The following OSBPL3 variants were observed in gnomAD, a reference collection of about 807,000 sequenced individuals.
OSBPL3 encodes the protein oxysterol-binding protein-related protein 3.
A neutral mutation model predicts 120.1 loss-of-function variants in OSBPL3; 65 were observed. That is an observed-to-expected ratio of 0.54 (90% confidence interval 0.44 to 0.67). The LOEUF (loss-of-function observed/expected upper bound fraction) is 0.67, where lower values mean the gene tolerates loss of function less well. Among genes scored for constraint, OSBPL3 ranks in the 30% least tolerant of loss-of-function variants. The pLI is 0.00. For missense variants in OSBPL3, 1,004 were observed against 1,082.1 expected (o/e 0.93, Z 1.01); for synonymous variants, 416 against 402.6 (o/e 1.03, Z -0.40).
At chr7:24,979,478 T>C (rs1817968284) in intron 1 of OSBPL3, among the ~76,000 whole-genome samples, 1 of 151,996 alleles carries the variant, frequency 6.6e-6, no homozygotes, top group Non-Finnish European at 1.5e-5. Flanking sequence ...ATCCCGCGGA[T>C]GTGGTAAAGC....
In OSBPL3 at chr7:24,804,438, C is replaced by A; in HGVS notation, c.2445-1G>T. 1 of 1,612,646 alleles carries A rather than the reference C, an allele frequency of 6.2e-7. No individual in the cohort carries two copies. The highest frequency in any genetic ancestry group is 8.5e-7 in the Non-Finnish European group (1 of 1,179,474). On this transcript the variant is annotated splice_acceptor_variant, in intron 21 of 22. Coordinates refer to ENST00000313367, the MANE Select transcript of OSBPL3 (RefSeq NM_015550.4). LOFTEE classifies it high-confidence loss of function. This position sits in a 1 kb window ranked among gnomAD's most constrained non-coding sequence, Gnocchi z 5.4. ...TTCTAAGTTCCCTTCCTCTAGAAAC[C>A]TGAGGCATCGAGGAAAAAAAAATGA...
Position 24,913,924 on chromosome 7 carries a change from T to C in OSBPL3, c.-149-21303A>G, listed in dbSNP as rs115327184. Among the ~76,000 whole-genome samples the C allele has an allele frequency of 3.6e-3, 544 of 152,278 alleles. 3 individuals carry two copies. The highest frequency in any genetic ancestry group is 0.012 in the African/African-American group (511 of 41,536). On this transcript the variant is annotated intron_variant, in intron 1 of 22. Transcript: ENST00000313367. This position sits in a 1 kb window ranked among gnomAD's most constrained non-coding sequence, Gnocchi z 5.3. ...GTTCTACATATATGCATTGAAACTT[T>C]CCTAAGGAGCAGATTCATTACGAAA...
In OSBPL3 at chr7:24,938,296, G is replaced by A. The variant is rs1419705836; in HGVS notation, c.-150+41590C>T. On this transcript the variant is annotated intron_variant, in intron 1 of 22. Transcript: ENST00000313367. This position sits in a 1 kb window ranked among gnomAD's most constrained non-coding sequence, Gnocchi z 5.8. ...CAAAGAAGGCATCATCTATGATGCA[G>A]GCAGCCCTCACCAGACACTGAATCT... Among the ~76,000 whole-genome samples the A allele has an allele frequency of 6.6e-6, 1 of 152,218 alleles. No homozygotes were observed. Among genetic ancestry groups the A allele is most frequent in the Non-Finnish European group, 1.5e-5 (1 of 68,034 alleles).
In OSBPL3 at chr7:24,863,651, C is replaced by T. The variant is rs1191999651; in HGVS notation, c.674-52G>A. On this transcript the variant is annotated intron_variant, in intron 7 of 22. Coordinates refer to ENST00000313367, the MANE Select transcript of OSBPL3 (RefSeq NM_015550.4). The surrounding 1 kb of genome is among the most constrained non-coding windows in gnomAD (Gnocchi z 5.8). ...ACAATGCTCCACTAGCAAGAGGGAT[C>T]ACTGTGCTGTCCCCATGCCAGCTAC... is the stretch of plus-strand genomic sequence containing the variant. The T allele has an allele frequency of 1.7e-6, 2 of 1,160,782 alleles. No individual in the cohort carries two copies. The highest frequency in any genetic ancestry group is 3.0e-5 in the African/African-American group (2 of 66,274). 71.9% of individuals were successfully genotyped at this position (1,160,782 alleles called of 1,614,324 possible). A position where few individuals can be genotyped will look rare whatever the true frequency, so the allele number is the denominator to read the frequency against.
intron 2 of OSBPL3, among the ~76,000 whole-genome samples, chr7:24,885,849 C>A (rs1245350024): frequency 6.6e-6 from 1 of 152,100 alleles, no homozygotes; most frequent in African/African-American, 2.4e-5. Context: ...CTATAGGACT[C>A]TTTTGATAAA....
chr7:24,861,898 T>C lies in OSBPL3; in HGVS notation c.871-129A>G, dbSNP rs1449949479. The C allele has an allele frequency of 7.3e-6, 4 of 549,166 alleles. 1 individual carries two copies. The highest frequency in any genetic ancestry group is 1.2e-5 in the Non-Finnish European group (4 of 342,124). The allele number at this position is 549,166 out of a possible 1,614,324, so 34.0% of individuals were successfully genotyped here. ...TATAGGTAGGTCTTTTTTTTTTTTT[T>C]TTGGGGGGGATGGAGTCTCGCTCTG... is the stretch of plus-strand genomic sequence containing the variant. On this transcript the variant is annotated intron_variant, in intron 9 of 22. Transcript: ENST00000313367.
rs34710823 is a variant in OSBPL3 at position 24,849,946 on chromosome 7, G to GAA, written c.1159-772_1159-771dup. On this transcript the variant is annotated intron_variant, in intron 11 of 22. Transcript: ENST00000313367. The surrounding 1 kb of genome is among the most constrained non-coding windows in gnomAD (Gnocchi z 5.4). ...GGGTGAGAGTGAGACCCTGTCTCAC[G>GAA]AAAAAAAAAAAAAGAAATAAAGAAA... is the stretch of plus-strand genomic sequence containing the variant. 2.5e-4 allele frequency among the ~76,000 whole-genome samples: 34 copies of GAA among 134,604 alleles called. No homozygotes were observed. Among genetic ancestry groups the GAA allele is most frequent in the East Asian group, 8.7e-4 (4 of 4,594 alleles). The allele number at this position is 134,604 out of a possible 152,430, so 88.3% of individuals were successfully genotyped here.
intron 1 of OSBPL3, among the ~76,000 whole-genome samples, chr7:24,921,595 A>T (rs528536855): frequency 6.6e-5 from 10 of 152,326 alleles, no homozygotes; most frequent in Non-Finnish European, 1.5e-4. Context: ...CTGCAGCAGC[A>T]GGAAGTAGAA....
Position 24,865,260 on chromosome 7 carries a change from C to T in OSBPL3, c.673+82G>A, listed in dbSNP as rs1584429365. Reference sequence around the variant, plus strand: ...AATGTGGACAAGCATAGGGGAAGGACACAAATGAATCTGAAGTGTAAACAT... The same window carrying T: ...AATGTGGACAAGCATAGGGGAAGGATACAAATGAATCTGAAGTGTAAACAT... On this transcript the variant is annotated intron_variant, in intron 7 of 22. Transcript: ENST00000313367. 3.5e-6 allele frequency: 5 copies of T among 1,437,604 alleles called. No individual in the cohort carries two copies. The Admixed American group carries it at 9.4e-5, about 27-fold the overall frequency. 89.1% of individuals were successfully genotyped at this position (1,437,604 alleles called of 1,614,324 possible).
At position 24,863,280 on chromosome 7, in the gene OSBPL3, C is replaced by G; in HGVS notation, c.790G>C (p.Glu264Gln). The change falls in exon 9 of 23, where the codon GAA becomes CAA. Residue 264 changes from glutamate to glutamine, a missense_variant. Transcript: ENST00000313367. This position sits in a 1 kb window ranked among gnomAD's most constrained non-coding sequence, Gnocchi z 5.8. The part of the protein sequence containing the change: ...AINAIQGGSF[E>Q]SPKKEKRSHR... ...GATCTTTTTTCCTTTTTGGGACTTT[C>G]AAAAGATCCACCCTTTGTTTCAAAA... is the stretch of plus-strand genomic sequence containing the variant. The G allele has an allele frequency of 6.2e-7, 1 of 1,613,832 alleles. No individual in the cohort carries two copies.
intron 5 of OSBPL3, among the ~76,000 whole-genome samples, 174 bp downstream of exon 5, chr7:24,870,558 A>G (rs1801961908): frequency 6.6e-6 from 1 of 152,182 alleles, no homozygotes; most frequent in Non-Finnish European, 1.5e-5. Context: ...AGCAGTGTTG[A>G]CAGTCCTGCA....
intron 14 of OSBPL3, among the ~76,000 whole-genome samples, chr7:24,837,534 T>C (rs1456087998): frequency 6.6e-6 from 1 of 152,216 alleles, no homozygotes; most frequent in African/African-American, 2.4e-5. Flanking sequence ...ATTTTTCATG[T>C]AGTCTCAAAA....
In OSBPL3 at chr7:24,922,975, GA is replaced by G. The variant is rs1810580906; in HGVS notation, c.-149-30355del. ...AAAAAAAGGAAAAGAATAAGAAAAA[GA>G]AAAAAACATATAAACATGACCATCA... On this transcript the variant is annotated intron_variant, in intron 1 of 22. Coordinates refer to ENST00000313367, the MANE Select transcript of OSBPL3 (RefSeq NM_015550.4). The surrounding 1 kb of genome is among the most constrained non-coding windows in gnomAD (Gnocchi z 4.3). Among the ~76,000 whole-genome samples, 1 of 151,990 alleles carries G rather than the reference GA, an allele frequency of 6.6e-6. No individual in the cohort carries two copies. The highest frequency in any genetic ancestry group is 1.9e-4 in the East Asian group (1 of 5,196).
intron 1 of OSBPL3, among the ~76,000 whole-genome samples, chr7:24,909,851 G>A (rs1160225202): frequency 7.5e-6 from 1 of 133,966 alleles, no homozygotes; most frequent in Non-Finnish European, 1.5e-5. Context: ...GGAGCGCAGT[G>A]GCGTGATCTC....
chr7:24,832,716 C>T (rs566078501), intron 15 of OSBPL3, among the ~76,000 whole-genome samples: 2 of 152,152 alleles, frequency 1.3e-5, no homozygotes, highest in South Asian at 2.1e-4. Flanking sequence ...TAGAACACAA[C>T]CGATGAAAGA....
intron 22 of OSBPL3, among the ~76,000 whole-genome samples, chr7:24,801,392 C>T (rs1792339436): frequency 6.6e-6 from 1 of 152,130 alleles, no homozygotes; most frequent in African/African-American, 2.4e-5. Flanking sequence ...TTTATCTTCC[C>T]CCTCTCTGCC....
At chr7:24,902,044 C>T (rs539316574) in intron 1 of OSBPL3, among the ~76,000 whole-genome samples, 1 of 152,196 alleles carries the variant, frequency 6.6e-6, no homozygotes, top group Non-Finnish European at 1.5e-5. Context: ...TTGCTTTAGG[C>T]AAGTTTTTAG....
rs550273800 is a variant in OSBPL3 at position 24,938,967 on chromosome 7, C to T, written c.-150+40919G>A. 6.6e-6 allele frequency among the ~76,000 whole-genome samples: 1 copy of T among 151,606 alleles called. No homozygotes were observed. The highest frequency in any genetic ancestry group is 2.4e-5 in the African/African-American group (1 of 41,298). On this transcript the variant is annotated intron_variant, in intron 1 of 22. Coordinates refer to ENST00000313367, the MANE Select transcript of OSBPL3 (RefSeq NM_015550.4). This position sits in a 1 kb window ranked among gnomAD's most constrained non-coding sequence, Gnocchi z 5.8. The stretch of plus-strand genomic sequence containing the variant: ...TTAATTAAGATGCAGAACACAAGAA[C>T]AAATGAAACAGAGTGCAAGGGGTAG...
chr7:24,887,943 A>G (rs1285126794), intron 2 of OSBPL3, among the ~76,000 whole-genome samples: 1 of 152,228 alleles, frequency 6.6e-6, no homozygotes, highest in Non-Finnish European at 1.5e-5. Context: ...CACTTGTTTT[A>G]GGTATAGGTT....
Sources: gnomAD v4.1 joint callset for allele counts (sites outside exome capture counted in the v4.1 genomes callset) on GRCh38, gnomAD v4.1.1 for gene constraint, Gnocchi (gnomAD v3.1) non-coding constraint, MANE v1.5 for transcripts, NCBI Gene and HGNC (gene_info 2026-07-23, HGNC 2026-07-21) for gene names.